Variants in YIPF4 observed in about 807,000 individuals in gnomAD.
YIPF4 encodes Yip1 domain family member 4.
A neutral mutation model predicts 29.4 loss-of-function variants in YIPF4; 18 were observed. That is an observed-to-expected ratio of 0.61 (90% CI 0.42 to 0.91). The LOEUF is 0.91. Among genes scored for constraint, YIPF4 ranks in the 40% least tolerant of loss-of-function variants. The probability of loss-of-function intolerance (pLI) is 0.00; values close to 1 mark genes in which losing one functional copy is unlikely to be tolerated. For missense variants in YIPF4, 279 were observed against 282.7 expected (o/e 0.99, Z 0.09); for synonymous variants, 115 against 104.7 (o/e 1.10, Z -0.60).
intron 1 of YIPF4, among the ~76,000 whole-genome samples, chr2:32,281,768 A>G (rs538149955): frequency 2.0e-5 from 3 of 152,036 alleles, no homozygotes; most frequent in African/African-American, 7.2e-5. Context: ...ACGCACCTGC[A>G]ATCCCAATCC....
In YIPF4 at chr2:32,305,983, A is replaced by G. The variant is rs893962887; in HGVS notation, c.*357A>G. 4.2e-5 allele frequency: 41 copies of G among 987,212 alleles called. No individual in the cohort carries two copies. The African/African-American group carries it at 6.5e-4, about 16-fold the overall frequency. 61.2% of individuals were successfully genotyped at this position (987,212 alleles called of 1,614,324 possible). ...AGGGTAAATTTGACAATATCTTGAT[A>G]ATCAAAAGTGCAATTTTTTTCTTCA... On this transcript the variant is annotated 3_prime_UTR_variant, in exon 6 of 6. Coordinates refer to ENST00000238831, the MANE Select transcript of YIPF4 (RefSeq NM_032312.4).
intron 1 of YIPF4, among the ~76,000 whole-genome samples, chr2:32,279,994 T>C (rs76547540): frequency 0.018 from 2,672 of 150,460 alleles, 71 homozygotes; most frequent in East Asian, 0.15. Flanking sequence ...ATTCCTGGGC[T>C]CCAGTGATCC....
chr2:32,305,388 T>G, intron 5 of YIPF4, 101 bp from the exon 6 acceptor site: 1 of 1,322,352 alleles, frequency 7.6e-7, no homozygotes, highest in South Asian at 2.3e-5. Context: ...TGGTTGTTGA[T>G]TTTTTAAAAA....
At position 32,309,915 on chromosome 2, in the gene YIPF4, C is replaced by T. The variant is rs941951115; in HGVS notation, c.*4289C>T. ...ATGTTGGCCAGGCTGGTCTTAAACTCCTGACCTCAGGTGATCCACCCACCT... is the reference window on the plus strand; with the variant it reads ...ATGTTGGCCAGGCTGGTCTTAAACTTCTGACCTCAGGTGATCCACCCACCT... On this transcript the variant is annotated 3_prime_UTR_variant, in exon 6 of 6. Transcript: ENST00000238831. The T allele has an allele frequency of 6.6e-6, 1 of 152,078 alleles. No homozygotes were observed. Among genetic ancestry groups the T allele is most frequent in the African/African-American group, 2.4e-5 (1 of 41,402 alleles). 9.4% of individuals were successfully genotyped at this position (152,078 alleles called of 1,614,324 possible). A position where few individuals can be genotyped will look rare whatever the true frequency, so the allele number is the denominator to read the frequency against.
Position 32,306,010 on chromosome 2 carries a change from A to G in YIPF4, c.*384A>G, listed in dbSNP as rs2031569768. On this transcript the variant is annotated 3_prime_UTR_variant, in exon 6 of 6. Transcript: ENST00000238831. ...TCAAAAGTGCAATTTTTTTCTTCAA[A>G]ATGTTTTCTCCAGCATCACAGATCC... 1.0e-6 allele frequency: 1 copy of G among 980,194 alleles called. No homozygotes were observed. Among genetic ancestry groups the G allele is most frequent in the Non-Finnish European group, 1.2e-6 (1 of 825,148 alleles). The allele number at this position is 980,194 out of a possible 1,614,324, so 60.7% of individuals were successfully genotyped here. A position where few individuals can be genotyped will look rare whatever the true frequency, so the allele number is the denominator to read the frequency against.
chr2:32,297,232 C>A, intron 3 of YIPF4, among the ~76,000 whole-genome samples: 1 of 151,998 alleles, frequency 6.6e-6, no homozygotes, highest in East Asian at 1.9e-4. Context: ...TCAAGCGATT[C>A]TCCAGCCTCA....
intron 1 of YIPF4, among the ~76,000 whole-genome samples, chr2:32,279,581 ATT>A (rs11316138): frequency 7.2e-6 from 1 of 139,046 alleles, no homozygotes; most frequent in African/African-American, 2.7e-5. Flanking sequence ...TTTTTTTTGT[ATT>A]TTTTTTTAGT....
rs1024955815 is a variant in YIPF4 at position 32,299,953 on chromosome 2, T to A, written c.484-1429T>A. On this transcript the variant is annotated intron_variant, in intron 4 of 5. Transcript: ENST00000238831. Reference sequence around the variant, plus strand: ...TTTTGTTTTAGCCTGGCCAGTGTGGTGAAACCCCGTCTCTACTAAAAATAC... The same window carrying A: ...TTTTGTTTTAGCCTGGCCAGTGTGGAGAAACCCCGTCTCTACTAAAAATAC... Among the ~76,000 whole-genome samples, 17 of 151,538 alleles carry A rather than the reference T, an allele frequency of 1.1e-4. 1 individual carries two copies. Among genetic ancestry groups the A allele is most frequent in the Admixed American group, 1.1e-3 (17 of 15,210 alleles).
chr2:32,280,644 A>C (rs1040887270), intron 1 of YIPF4, among the ~76,000 whole-genome samples: 10 of 151,988 alleles, frequency 6.6e-5, no homozygotes. Flanking sequence ...GGCCTCCCAA[A>C]GTGCTGGGAT....
intron 1 of YIPF4, 96 bp downstream of exon 1, chr2:32,278,330 G>C: frequency 8.0e-7 from 1 of 1,250,520 alleles, no homozygotes; most frequent in South Asian, 1.5e-5. Context: ...GGCCGGGTGG[G>C]GACAGGCAGG....
Position 32,305,568 on chromosome 2 carries a change from T to C in YIPF4, c.677T>C (p.Leu226Pro). The C allele has an allele frequency of 6.2e-7, 1 of 1,610,686 alleles. No individual in the cohort carries two copies. Among genetic ancestry groups the C allele is most frequent in the Non-Finnish European group, 8.5e-7 (1 of 1,178,418 alleles). ...GAATTCAAGACCAAAAAGCCTCTTC[T>C]GATTTATCCAATCTTTTTATTATAC... ...GEEFKTKKPLLIYPIFLLYIY... is the reference protein window; with the variant it reads ...GEEFKTKKPLPIYPIFLLYIY... The change falls in exon 6 of 6, where the codon CTG (leucine) becomes CCG (proline). Residue 226 changes from leucine to proline, a missense_variant. Coordinates refer to ENST00000238831, the MANE Select transcript of YIPF4 (RefSeq NM_032312.4).
rs1383667957 is a variant in YIPF4, at chr2:32,301,452, T to G, written c.554T>G (p.Leu185Arg). ...LLPLIVIAPV[L>R]LVVGSFEVVS... ...CCTCTCATTGTAATAGCCCCTGTAC[T>G]TTTGGTGGTTGGATCATTTGAAGTG... Residue 185 changes from leucine (L) to arginine (R), a missense_variant, in exon 5 of 6, where the codon CTT (leucine) becomes CGT (arginine). Leu to Arg is a moderately radical substitution (Grantham distance 102). Transcript: ENST00000238831. 3 of 1,613,762 alleles carry G rather than the reference T, an allele frequency of 1.9e-6. No individual in the cohort carries two copies. Among genetic ancestry groups the G allele is most frequent in the Admixed American group, 1.7e-5 (1 of 60,010 alleles).
Position 32,277,938 on chromosome 2 carries a change from G to A in YIPF4, c.-218G>A. 3 of 525,456 alleles carry A rather than the reference G, an allele frequency of 5.7e-6. No homozygotes were observed. The East Asian group carries it at 1.1e-4, about 18-fold the overall frequency. 32.5% of individuals were successfully genotyped at this position (525,456 alleles called of 1,614,324 possible). A position where few individuals can be genotyped will look rare whatever the true frequency, so the allele number is the denominator to read the frequency against. Reference sequence around the variant, plus strand: ...ATGGTCCTGTCAGGGTGCCGGCGTCGTGGTGCTTGGGTGGTCGCCACCAAG... The same window carrying A: ...ATGGTCCTGTCAGGGTGCCGGCGTCATGGTGCTTGGGTGGTCGCCACCAAG... On this transcript the variant is annotated 5_prime_UTR_variant, in exon 1 of 6. In the 5' UTR this introduces an upstream ATG that the reference lacks. Coordinates refer to ENST00000238831, the MANE Select transcript of YIPF4 (RefSeq NM_032312.4).
At chr2:32,288,486 T>C (rs2030775849) in intron 1 of YIPF4, among the ~76,000 whole-genome samples, 1 of 152,176 alleles carries the variant, frequency 6.6e-6, no homozygotes, top group South Asian at 2.1e-4. Flanking sequence ...ACTAATGATT[T>C]CTGGATGTAA....
chr2:32,301,486 A>G lies in YIPF4; in HGVS notation c.588A>G (p.Thr196=), dbSNP rs1331545651. Residue 196 remains threonine (T), a synonymous_variant, in exon 5 of 6, where the codon ACA becomes ACG. Coordinates refer to ENST00000238831, the MANE Select transcript of YIPF4 (RefSeq NM_032312.4). ...TTGGATCATTTGAAGTGGTGTCTAC[A>G]CTTATAAAAGTAAGTTAAGGATTAT... The part of the protein sequence containing the change: ...LVVGSFEVVS[T]LIKLFGVFWA... 2.5e-6 allele frequency: 4 copies of G among 1,604,280 alleles called. No homozygotes were observed. The highest frequency in any genetic ancestry group is 2.2e-5 in the East Asian group (1 of 44,764).
chr2:32,293,062 TTTTATTTTTATTTA>T (rs896554938), intron 3 of YIPF4, among the ~76,000 whole-genome samples: 3 of 139,206 alleles, frequency 2.2e-5, no homozygotes, highest in African/African-American at 5.1e-5. Flanking sequence ...ATTTTTATTT[TTTTATTTTTATTTA>T]TTTATTTATT....
At position 32,313,228 on chromosome 2, in the gene YIPF4, C is replaced by T. The variant is rs2031752168; in HGVS notation, c.*7602C>T. The T allele has an allele frequency of 6.6e-6, 1 of 152,070 alleles. No individual in the cohort carries two copies. The highest frequency in any genetic ancestry group is 6.6e-5 in the Admixed American group (1 of 15,250). The allele number at this position is 152,070 out of a possible 1,614,324, so 9.4% of individuals were successfully genotyped here. ...GCAAAGAAGGTAGGGAAGACTCTTT[C>T]AGATAGAATCGCAGTTTGTGAGTTT... On this transcript the variant is annotated 3_prime_UTR_variant, in exon 6 of 6. Transcript: ENST00000238831.
rs2031669614 is a variant in YIPF4, at chr2:32,309,444, C to T, written c.*3818C>T. 1 of 152,094 alleles carries T rather than the reference C, an allele frequency of 6.6e-6. No homozygotes were observed. Among genetic ancestry groups the T allele is most frequent in the Non-Finnish European group, 1.5e-5 (1 of 68,008 alleles). 9.4% of individuals were successfully genotyped at this position (152,094 alleles called of 1,614,324 possible). ...TATACTCAATCTGTATTAACATAGACTTCTAAATTAGTGAAAATTTGCATT... is the reference window on the plus strand; with the variant it reads ...TATACTCAATCTGTATTAACATAGATTTCTAAATTAGTGAAAATTTGCATT... On this transcript the variant is annotated 3_prime_UTR_variant, in exon 6 of 6. Transcript: ENST00000238831.
Position 32,315,199 on chromosome 2 carries a change from C to A in YIPF4, c.*9573C>A, listed in dbSNP as rs2031797670. ...CATTTCAAGCAGGAAGAAGATGAAG[C>A]TTAAGAGACCAAATGGAGCATGTCA... On this transcript the variant is annotated 3_prime_UTR_variant, in exon 6 of 6. Transcript: ENST00000238831. 1 of 152,136 alleles carries A rather than the reference C, an allele frequency of 6.6e-6. No individual in the cohort carries two copies. Among genetic ancestry groups the A allele is most frequent in the Non-Finnish European group, 1.5e-5 (1 of 68,030 alleles). 9.4% of individuals were successfully genotyped at this position (152,136 alleles called of 1,614,324 possible).
Sources: allele counts gnomAD v4.1 joint callset (sites outside exome capture counted in the v4.1 genomes callset), GRCh38; gene constraint gnomAD v4.1.1; transcripts MANE v1.5; gene names NCBI Gene and HGNC (gene_info 2026-07-23, HGNC 2026-07-21).